The following ZNF184 variants were observed in gnomAD, a reference collection of about 807,000 sequenced individuals.
ZNF184 encodes zinc finger protein 184, also known as zinc finger protein 184 (Kruppel-like).
In ZNF184, 16 loss-of-function variants were observed where a neutral mutation model predicts 54.4. The ratio of observed to expected loss-of-function variants is 0.29; its 90% CI spans 0.20 to 0.45. The LOEUF is 0.45. ZNF184 is among the 20% of genes least tolerant of loss of function. ZNF184 has a pLI of 1.00. For synonymous variants in ZNF184, 254 were observed against 295.3 expected (o/e 0.86, Z 1.43); for missense variants, 681 against 888.2 (o/e 0.77, Z 2.97).
At chr6:27,445,881 G>C (rs151242084), downstream of ZNF184, among the ~76,000 whole-genome samples, 1 of 152,312 alleles carries the variant, frequency 6.6e-6, no homozygotes, top group Non-Finnish European at 1.5e-5. Context: ...GCCTTATAAA[G>C]TGCAGAACTT....
chr6:27,471,496 T>G (rs552228535), intron 2 of ZNF184, among the ~76,000 whole-genome samples: 9 of 152,176 alleles, frequency 5.9e-5, no homozygotes, highest in African/African-American at 1.4e-4. Context: ...GGAAGTATAA[T>G]CCGAGTCAAA....
the ZNF184 span, among the ~76,000 whole-genome samples, chr6:27,419,553 GATA>G: frequency 6.6e-6 from 1 of 151,974 alleles, no homozygotes; most frequent in Non-Finnish European, 1.5e-5. The surrounding 1 kb of genome is among the most constrained non-coding windows in gnomAD (Gnocchi z 4.8). Context: ...TAGATAGATA[GATA>G]GATAGATAGA....
chr6:27,413,729 A>G, the ZNF184 span, among the ~76,000 whole-genome samples: 1 of 152,216 alleles, frequency 6.6e-6, no homozygotes, highest in Non-Finnish European at 1.5e-5. Context: ...AATTCCTGGT[A>G]TACCCTTCAT....
At position 27,451,052 on chromosome 6, in the gene ZNF184, A is replaced by G; in HGVS notation, c.*251T>C. The G allele has an allele frequency of 2.6e-6, 1 of 385,888 alleles. No homozygotes were observed. The highest frequency in any genetic ancestry group is 3.9e-5 in the East Asian group (1 of 25,378). 23.9% of individuals were successfully genotyped at this position (385,888 alleles called of 1,614,324 possible). A position where few individuals can be genotyped will look rare whatever the true frequency, so the allele number is the denominator to read the frequency against. ...TTATAAAACTCCAAACTACCTTTGA[A>G]ATAATCTACTCCAAATCCTTCATTC... is the stretch of plus-strand genomic sequence containing the variant. On this transcript the variant is annotated 3_prime_UTR_variant, in exon 6 of 6. Transcript: ENST00000683788.
chr6:27,422,148 AAAAGAAAGAAAGAAAG>A, the ZNF184 span, among the ~76,000 whole-genome samples: 52 of 43,470 alleles, frequency 1.2e-3, 7 homozygotes, highest in East Asian at 7.9e-3. Context: ...CTCAAAAAAA[AAAAGAAAGAAAGAAAG>A]AAAGAAAGAA....
At chr6:27,422,145 AAAAAAAG>A in the ZNF184 span, among the ~76,000 whole-genome samples, 1 of 51,930 alleles carries the variant, frequency 1.9e-5, no homozygotes, top group African/African-American at 8.0e-5. Flanking sequence ...TACCTCAAAA[AAAAAAAG>A]AAAGAAAGAA....
At chr6:27,449,892 A>G (rs1044834624), downstream of ZNF184, among the ~76,000 whole-genome samples, 8 of 152,214 alleles carry the variant, frequency 5.3e-5, no homozygotes, top group African/African-American at 1.9e-4. Context: ...AAAGACCAAG[A>G]AATGGTTTAA....
At chr6:27,407,235 G>A in the ZNF184 span, among the ~76,000 whole-genome samples, 1 of 152,012 alleles carries the variant, frequency 6.6e-6, no homozygotes, top group Non-Finnish European at 1.5e-5. Flanking sequence ...GGTGAAAGAT[G>A]ATTTTGTTCA....
the ZNF184 span, among the ~76,000 whole-genome samples, chr6:27,435,397 T>C: frequency 4.6e-5 from 7 of 152,320 alleles, no homozygotes; most frequent in Middle Eastern, 3.4e-3. Flanking sequence ...TTTATTTTTA[T>C]GCAATTGTTA....
the ZNF184 span, chr6:27,405,388 TG>T: frequency 2.0e-5 from 3 of 152,326 alleles, no homozygotes; most frequent in South Asian, 6.2e-4. Flanking sequence ...TCAAACCATA[TG>T]GTGTCAGTAC....
chr6:27,434,799 T>C, the ZNF184 span, among the ~76,000 whole-genome samples: 8 of 152,354 alleles, frequency 5.3e-5, no homozygotes, highest in African/African-American at 1.7e-4. Context: ...TTTTTACATT[T>C]AGGTCTTTGA....
chr6:27,423,877 C>T, the ZNF184 span, among the ~76,000 whole-genome samples: 11 of 152,174 alleles, frequency 7.2e-5, no homozygotes, highest in Non-Finnish European at 1.3e-4. Context: ...TACCACGTAT[C>T]AGCATTTCTT....
In ZNF184 at chr6:27,453,445, A is replaced by C. The variant is rs1024971555; in HGVS notation, c.299-185T>G. On this transcript the variant is annotated intron_variant, in intron 5 of 5. Coordinates refer to ENST00000683788, the MANE Select transcript of ZNF184 (RefSeq NM_001318891.2). This position sits in a 1 kb window ranked among gnomAD's most constrained non-coding sequence, Gnocchi z 4.7. ...AGGAGAATTATAAATAAAATACGAA[A>C]GTGGCAAAAGAATGTCTAATTCAAT... Among the ~76,000 whole-genome samples the C allele has an allele frequency of 6.6e-6, 1 of 152,236 alleles. No homozygotes were observed. The highest frequency in any genetic ancestry group is 6.5e-5 in the Admixed American group (1 of 15,284).
downstream of ZNF184, among the ~76,000 whole-genome samples, chr6:27,448,461 C>G (rs1391141422): frequency 2.0e-5 from 3 of 152,162 alleles, no homozygotes; most frequent in Admixed American, 6.5e-5. Flanking sequence ...TTAAACAATT[C>G]AAATCTGTGC....
chr6:27,411,183 A>G, the ZNF184 span, among the ~76,000 whole-genome samples: 3 of 152,136 alleles, frequency 2.0e-5, no homozygotes, highest in Non-Finnish European at 4.4e-5. Flanking sequence ...GACAAATGCT[A>G]TATGGCCTCA....
intron 2 of ZNF184, 126 bp from the exon 3 acceptor site, chr6:27,468,046 T>G (rs1379271286): frequency 1.2e-6 from 1 of 836,174 alleles, no homozygotes; most frequent in South Asian, 2.3e-5. Context: ...TATTTTAGAA[T>G]GCAAAAAAAG....
chr6:27,464,098 T>C (rs1456035935), intron 3 of ZNF184, among the ~76,000 whole-genome samples: 4 of 151,976 alleles, frequency 2.6e-5, no homozygotes, highest in African/African-American at 9.7e-5. Flanking sequence ...GTCATGACAA[T>C]CAAAAAAGTT....
intron 3 of ZNF184, among the ~76,000 whole-genome samples, chr6:27,460,147 C>T (rs1371640121): frequency 1.3e-5 from 2 of 152,038 alleles, no homozygotes; most frequent in Non-Finnish European, 2.9e-5. Context: ...AGGGTATAAT[C>T]CTACTTTTCT....
At chr6:27,416,978 G>T in the ZNF184 span, among the ~76,000 whole-genome samples, 1 of 152,192 alleles carries the variant, frequency 6.6e-6, no homozygotes, top group East Asian at 1.9e-4. Flanking sequence ...TGAGTAGAGT[G>T]CTTTTTGCAT....
Sources: allele counts gnomAD v4.1 joint callset (sites outside exome capture counted in the v4.1 genomes callset), GRCh38; gene constraint gnomAD v4.1.1; non-coding constraint Gnocchi (gnomAD v3.1); transcripts MANE v1.5; gene names NCBI Gene and HGNC (gene_info 2026-07-23, HGNC 2026-07-21).